Variants in FAAH2 observed in about 807,000 individuals in gnomAD.
FAAH2 encodes fatty acid amide hydrolase 2.
A neutral mutation model predicts 36.9 loss-of-function variants in FAAH2; 60 were observed. The observed-to-expected ratio is 1.63, with a 90% CI of 1.32 to 2.02. The LOEUF (loss-of-function observed/expected upper bound fraction) is 2.02. Ranked by LOEUF, FAAH2 falls within the 30% of genes most tolerant of loss-of-function variation. FAAH2 has a pLI of 0.00. For synonymous variants in FAAH2, 214 were observed against 143.8 expected (o/e 1.49, Z -3.49); for missense variants, 689 against 397.5 (o/e 1.73, Z -6.23).
the FAAH2 span, among the ~76,000 whole-genome samples, chrX:57,270,952 G>A: frequency 8.9e-6 from 1 of 112,110 alleles, no homozygotes; most frequent in African/African-American, 3.2e-5. Context: ...CCATACCCCA[G>A]TGGTGCATAG....
chrX:57,341,538 G>A, intron 5 of FAAH2, 148 bp downstream of exon 5: 1 of 669,685 alleles, frequency 1.5e-6, no homozygotes, highest in Non-Finnish European at 2.1e-6. Flanking sequence ...TGTTTATTGA[G>A]CACCAACTCT....
the FAAH2 span, among the ~76,000 whole-genome samples, chrX:57,231,973 T>G: frequency 9.0e-6 from 1 of 111,660 alleles, no homozygotes; most frequent in Non-Finnish European, 1.9e-5. Flanking sequence ...GAGACTTTCA[T>G]TCTATCAATA....
At position 57,376,904 on chromosome X, in the gene FAAH2, C is replaced by T. The variant is rs755118886; in HGVS notation, c.743-1747C>T. On this transcript the variant is annotated intron_variant, in intron 5 of 10. Coordinates refer to ENST00000374900, the MANE Select transcript of FAAH2 (RefSeq NM_174912.4). ...TTTTGATTTGCATTTCTCTAATGAC[C>T]AGTGATGATGAGCTTTTTTTTGCAT... Among the ~76,000 whole-genome samples the T allele has an allele frequency of 7.1e-5, 8 of 112,282 alleles. No individual in the cohort carries two copies. In the South Asian group the frequency reaches 1.1e-3, roughly 15 times the overall value.
the FAAH2 span, among the ~76,000 whole-genome samples, chrX:57,171,449 A>G: frequency 8.9e-6 from 1 of 111,984 alleles, no homozygotes; most frequent in Admixed American, 9.5e-5. Context: ...AATAATGGCT[A>G]TTATGGCTTG....
At chrX:57,269,559 A>T in the FAAH2 span, among the ~76,000 whole-genome samples, 3 of 112,003 alleles carry the variant, frequency 2.7e-5, no homozygotes, top group Non-Finnish European at 5.6e-5. Flanking sequence ...ACTAGAAATC[A>T]AGACTAAGAA....
the FAAH2 span, among the ~76,000 whole-genome samples, chrX:57,124,397 G>T: frequency 9.0e-6 from 1 of 111,706 alleles, no homozygotes; most frequent in African/African-American, 3.3e-5. Context: ...TGCTGTTTTG[G>T]TTAGTGTAGC....
chrX:57,344,797 A>G (rs1051359159), intron 5 of FAAH2, among the ~76,000 whole-genome samples: 1 of 111,127 alleles, frequency 9.0e-6, no homozygotes, highest in African/African-American at 3.3e-5. Context: ...ATCATGAAGG[A>G]ATGTTTGATT....
chrX:57,342,433 C>T (rs771225284), intron 5 of FAAH2, among the ~76,000 whole-genome samples: 5 of 111,097 alleles, frequency 4.5e-5, no homozygotes, highest in African/African-American at 6.6e-5. Flanking sequence ...AGTCTTAATA[C>T]CTGGATGATG....
At chrX:57,387,801 T>C (rs2147256302) in intron 7 of FAAH2, among the ~76,000 whole-genome samples, 1 of 111,139 alleles carries the variant, frequency 9.0e-6, no homozygotes, top group East Asian at 2.8e-4. Context: ...ATAAATTAAT[T>C]TATGTATCTT....
At chrX:57,397,045 T>C (rs747082837) in intron 7 of FAAH2, among the ~76,000 whole-genome samples, 23 of 112,150 alleles carry the variant, frequency 2.1e-4, no homozygotes, top group African/African-American at 6.8e-4. Context: ...GATAGTTATA[T>C]TTCTCATTAT....
intron 7 of FAAH2, among the ~76,000 whole-genome samples, chrX:57,400,467 G>A (rs1384427269): frequency 8.9e-6 from 1 of 112,441 alleles, no homozygotes; most frequent in Non-Finnish European, 1.9e-5. Flanking sequence ...CTGTTGGCAT[G>A]CTTAACACTG....
intron 8 of FAAH2, among the ~76,000 whole-genome samples, chrX:57,443,948 G>T (rs923354675): frequency 4.5e-5 from 5 of 111,925 alleles, no homozygotes; most frequent in Non-Finnish European, 9.4e-5. Flanking sequence ...AATGGCTGAT[G>T]TTGCTGCCTG....
intron 10 of FAAH2, among the ~76,000 whole-genome samples, chrX:57,469,364 C>A (rs1251135042): frequency 1.8e-5 from 2 of 111,440 alleles, no homozygotes; most frequent in African/African-American, 6.5e-5. Flanking sequence ...ATCTCACATG[C>A]AGAGACACAC....
At chrX:57,218,850 A>G in the FAAH2 span, among the ~76,000 whole-genome samples, 161 of 111,633 alleles carry the variant, frequency 1.4e-3, no homozygotes, top group African/African-American at 5.0e-3. Flanking sequence ...TATGTTGGTA[A>G]TTTTTAAATT....
chrX:57,466,861 G>C (rs1440358468), intron 10 of FAAH2, among the ~76,000 whole-genome samples: 2 of 111,182 alleles, frequency 1.8e-5, no homozygotes, highest in Non-Finnish European at 3.8e-5. Flanking sequence ...GGCAACCATT[G>C]TGGATGTAGG....
chrX:57,216,588 G>A, the FAAH2 span, among the ~76,000 whole-genome samples: 18 of 562 alleles, frequency 0.032, 2 homozygotes, highest in African/African-American at 0.049. Flanking sequence ...ATATGTATAT[G>A]TATATATATG....
the FAAH2 span, among the ~76,000 whole-genome samples, chrX:57,216,997 T>C: frequency 9.0e-6 from 1 of 110,932 alleles, no homozygotes; most frequent in Non-Finnish European, 1.9e-5. Context: ...TATCGCATTG[T>C]GGTTTTGATT....
the FAAH2 span, among the ~76,000 whole-genome samples, chrX:57,199,098 GCTACAAGTTACTC>G: frequency 9.0e-6 from 1 of 110,630 alleles, no homozygotes; most frequent in East Asian, 2.8e-4. Flanking sequence ...CTCAGTGGGA[GCTACAAGTTACTC>G]CTGCCTCTTG....
the FAAH2 span, among the ~76,000 whole-genome samples, chrX:57,269,551 T>C: frequency 3.6e-5 from 4 of 111,877 alleles, no homozygotes; most frequent in Non-Finnish European, 7.5e-5. Context: ...GCAATGAAAC[T>C]AGAAATCAAG....
Sources: allele counts gnomAD v4.1 joint callset (sites outside exome capture counted in the v4.1 genomes callset), GRCh38; gene constraint gnomAD v4.1.1; transcripts MANE v1.5; gene names NCBI Gene and HGNC (gene_info 2026-07-23, HGNC 2026-07-21).